Variants in EIF4EBP3 observed in about 807,000 individuals in gnomAD.
EIF4EBP3 encodes eukaryotic translation initiation factor 4E binding protein 3.
In EIF4EBP3, 11 loss-of-function variants were observed where a neutral mutation model predicts 12.1. The observed-to-expected ratio is 0.91, with a 90% CI of 0.57 to 1.51. The LOEUF (loss-of-function observed/expected upper bound fraction) is 1.51. EIF4EBP3 is among the 40% of genes most tolerant of loss of function. The pLI is 0.00. For missense variants in EIF4EBP3, 136 were observed against 131.8 expected, an observed-to-expected ratio of 1.03 and a Z score of -0.16; for synonymous variants, 43 against 54.2, an observed-to-expected ratio of 0.79 and a Z score of 0.91.
At chr5:140,549,125 C>A in intron 2 of EIF4EBP3, 49 bp downstream of exon 2, 2 of 1,613,848 alleles carry the variant, frequency 1.2e-6, no homozygotes, top group Non-Finnish European at 1.7e-6. Context: ...AGTTCAAATG[C>A]CACTGTGACA....
At position 140,547,710 on chromosome 5, in the gene EIF4EBP3, G is replaced by A; in HGVS notation, c.-28G>A. On this transcript the variant is annotated 5_prime_UTR_variant, in exon 1 of 3. Coordinates refer to ENST00000310331, the MANE Select transcript of EIF4EBP3 (RefSeq NM_003732.3). ...GCGCTCCTCGACCTCAACGCCAGGC[G>A]GTTACTTTGCTGCTCCTCCCGCTCG... The A allele has an allele frequency of 6.5e-7, 1 of 1,541,310 alleles. No homozygotes were observed. The highest frequency in any genetic ancestry group is 8.8e-7 in the Non-Finnish European group (1 of 1,140,098).
At position 140,549,388 on chromosome 5, in the gene EIF4EBP3, A is replaced by C; in HGVS notation, c.*126A>C. On this transcript the variant is annotated 3_prime_UTR_variant, in exon 3 of 3. Transcript: ENST00000310331. ...CTAATCTGGAAGGGAGTGACTTGTT[A>C]GTTCCAGGCCTCCTTTAGTTCTGAG... The C allele has an allele frequency of 2.0e-6, 3 of 1,525,810 alleles. No individual in the cohort carries two copies. The highest frequency in any genetic ancestry group is 2.7e-6 in the Non-Finnish European group (3 of 1,104,912). The allele number at this position is 1,525,810 out of a possible 1,614,324, so 94.5% of individuals were successfully genotyped here.
chr5:140,549,103 T>C (rs1351626575), intron 2 of EIF4EBP3, 27 bp downstream of exon 2: 2 of 1,613,956 alleles, frequency 1.2e-6, no homozygotes, highest in Non-Finnish European at 1.7e-6. Context: ...TTAAGAATTG[T>C]CCCAGCCTTT....
Position 140,548,923 on chromosome 5 carries a change from G to C in EIF4EBP3, c.121G>C (p.Asp41His). The C allele has an allele frequency of 6.2e-7, 1 of 1,613,682 alleles. No homozygotes were observed. The highest frequency in any genetic ancestry group is 8.5e-7 in the Non-Finnish European group (1 of 1,179,848). ...TTPGGTRIIY[D>H]RKFLLECKNS... is the part of the protein sequence containing the mutation. ...CTTGACAGGCACCAGGATCATCTAC[G>C]ACCGAAAGTTCCTGCTGGAGTGCAA... Residue 41 changes from aspartate (D) to histidine (H), a missense_variant, in exon 2 of 3, where the codon GAC (aspartate) becomes CAC (histidine). Asp to His is a moderately conservative substitution (Grantham distance 81). Coordinates refer to ENST00000310331, the MANE Select transcript of EIF4EBP3 (RefSeq NM_003732.3).
rs959839786 is a variant in EIF4EBP3 at position 140,549,304 on chromosome 5, C to T, written c.*42C>T. ...TGGCATGTGGAGTTACAGAGGGATCCCTCATGCCACTGCTGCCACCACCTC... is the reference window on the plus strand; with the variant it reads ...TGGCATGTGGAGTTACAGAGGGATCTCTCATGCCACTGCTGCCACCACCTC... On this transcript the variant is annotated 3_prime_UTR_variant, in exon 3 of 3. Transcript: ENST00000310331. 36 of 1,613,980 alleles carry T rather than the reference C, an allele frequency of 2.2e-5. No homozygotes were observed. Among genetic ancestry groups the T allele is most frequent in the Non-Finnish European group, 3.1e-5 (36 of 1,179,994 alleles).
Position 140,549,372 on chromosome 5 carries a change from A to G in EIF4EBP3, c.*110A>G, listed in dbSNP as rs1754474242. 1.3e-6 allele frequency: 2 copies of G among 1,582,038 alleles called. No homozygotes were observed. Among genetic ancestry groups the G allele is most frequent in the South Asian group, 2.2e-5 (2 of 90,178 alleles). On this transcript the variant is annotated 3_prime_UTR_variant, in exon 3 of 3. Transcript: ENST00000310331. The stretch of plus-strand genomic sequence containing the variant: ...GGCCAGCTGGCCTCATCTAATCTGG[A>G]AGGGAGTGACTTGTTAGTTCCAGGC...
chr5:140,548,558 C>T (rs1006422121), intron 1 of EIF4EBP3, among the ~76,000 whole-genome samples: 6 of 152,150 alleles, frequency 3.9e-5, no homozygotes, highest in African/African-American at 7.2e-5. Context: ...GAGACCAAAG[C>T]AGAGGTTTCA....
At position 140,547,853 on chromosome 5, in the gene EIF4EBP3, G is replaced by A; in HGVS notation, c.103+13G>A. On this transcript the variant is annotated intron_variant, in intron 1 of 2. Transcript: ENST00000310331. ...ACTACCCCCGGAGGTCAGCGGGCCG[G>A]GCAGGGGTCCGCAGGCTGCGGACAT... is the stretch of plus-strand genomic sequence containing the variant. 7.0e-7 allele frequency: 1 copy of A among 1,431,068 alleles called. No homozygotes were observed. Among genetic ancestry groups the A allele is most frequent in the South Asian group, 1.5e-5 (1 of 68,862 alleles). 88.6% of individuals were successfully genotyped at this position (1,431,068 alleles called of 1,614,324 possible). A position where few individuals can be genotyped will look rare whatever the true frequency, so the allele number is the denominator to read the frequency against.
chr5:140,549,141 C>T (rs1052176628), intron 2 of EIF4EBP3, 65 bp downstream of exon 2: 29 of 1,613,938 alleles, frequency 1.8e-5, no homozygotes, highest in Non-Finnish European at 2.3e-5. Flanking sequence ...TGACACAGTG[C>T]GGGGGTTCAG....
chr5:140,549,470 C>T lies in EIF4EBP3; in HGVS notation c.*208C>T, dbSNP rs2127113919. The T allele has an allele frequency of 1.5e-5, 11 of 726,444 alleles. 1 individual carries two copies. In the South Asian group the frequency reaches 1.9e-4, roughly 12 times the overall value. 45.0% of individuals were successfully genotyped at this position (726,444 alleles called of 1,614,324 possible). A position where few individuals can be genotyped will look rare whatever the true frequency, so the allele number is the denominator to read the frequency against. On this transcript the variant is annotated 3_prime_UTR_variant, in exon 3 of 3. Coordinates refer to ENST00000310331, the MANE Select transcript of EIF4EBP3 (RefSeq NM_003732.3). ...TGCCAAGCCCTTAACTCTACTTCCT[C>T]TTCAGTCTGTGGTACTCCTCCTAAC...
Position 140,549,254 on chromosome 5 carries a change from G to A in EIF4EBP3, c.295G>A (p.Asp99Asn), listed in dbSNP as rs780130826. 3 of 1,614,156 alleles carry A rather than the reference G, an allele frequency of 1.9e-6. No individual in the cohort carries two copies. In the East Asian group the frequency reaches 6.7e-5, roughly 36 times the overall value. The change falls in exon 3 of 3, where the codon GAC (aspartate) becomes AAC (asparagine). Residue 99 changes from aspartate (D) to asparagine (N), a missense_variant. Asp to Asn is a conservative substitution (Grantham distance 23). Coordinates refer to ENST00000310331, the MANE Select transcript of EIF4EBP3 (RefSeq NM_003732.3). ...TCCAGATGACGCACAATTTGAAATG[G>A]ACATCTAATCCAGTGCAGATGACCT... is the stretch of plus-strand genomic sequence containing the variant. ...EIPDDAQFEM[D>N]I
chr5:140,548,493 T>C (rs1370590182), intron 1 of EIF4EBP3, among the ~76,000 whole-genome samples: 1 of 152,182 alleles, frequency 6.6e-6, no homozygotes, highest in Non-Finnish European at 1.5e-5. Flanking sequence ...TCACAACTGC[T>C]ATTTCACTTC....
chr5:140,548,670 C>CGTA (rs756670745), intron 1 of EIF4EBP3, among the ~76,000 whole-genome samples: 1 of 152,194 alleles, frequency 6.6e-6, no homozygotes, highest in Non-Finnish European at 1.5e-5. Flanking sequence ...CTGCCTATAC[C>CGTA]AGCTGGGATG....
At chr5:140,548,516 A>G (rs1394197692) in intron 1 of EIF4EBP3, among the ~76,000 whole-genome samples, 1 of 152,150 alleles carries the variant, frequency 6.6e-6, no homozygotes, top group Non-Finnish European at 1.5e-5. Context: ...GAACCACCTG[A>G]GGCTGTTAGT....
At position 140,547,763 on chromosome 5, in the gene EIF4EBP3, T is replaced by C; in HGVS notation, c.26T>C (p.Ile9Thr). The C allele has an allele frequency of 6.5e-7, 1 of 1,544,550 alleles. No homozygotes were observed. The highest frequency in any genetic ancestry group is 8.7e-7 in the Non-Finnish European group (1 of 1,143,544). Residue 9 changes from isoleucine (I) to threonine (T), a missense_variant, in exon 1 of 3, where the codon ATT becomes ACT. Physicochemically the swap from Ile to Thr is moderately conservative, Grantham distance 89. Coordinates refer to ENST00000310331, the MANE Select transcript of EIF4EBP3 (RefSeq NM_003732.3). The stretch of plus-strand genomic sequence containing the variant: ...ATGTCAACGTCCACTAGCTGCCCGA[T>C]TCCCGGGGGCCGGGACCAGCTGCCC... Reference protein sequence around the residue: MSTSTSCPIPGGRDQLPDC... With the variant: MSTSTSCPTPGGRDQLPDC...
Position 140,547,772 on chromosome 5 carries a change from G to T in EIF4EBP3, c.35G>T (p.Gly12Val), listed in dbSNP as rs781551674. The change falls in exon 1 of 3, where the codon GGC becomes GTC. Residue 12 changes from glycine (G) to valine (V), a missense_variant. Physicochemically the swap from Gly to Val is moderately radical, Grantham distance 109. Transcript: ENST00000310331. ...TCCACTAGCTGCCCGATTCCCGGGG[G>T]CCGGGACCAGCTGCCCGACTGCTAC... ...STSTSCPIPG[G>V]RDQLPDCYST... 6.5e-7 allele frequency: 1 copy of T among 1,542,232 alleles called. No homozygotes were observed. Among genetic ancestry groups the T allele is most frequent in the South Asian group, 1.2e-5 (1 of 83,512 alleles).
rs1754478940 is a variant in EIF4EBP3 at position 140,549,488 on chromosome 5, C to CT, written c.*227dup. 1 of 650,390 alleles carries CT rather than the reference C, an allele frequency of 1.5e-6. No individual in the cohort carries two copies. Among genetic ancestry groups the CT allele is most frequent in the African/African-American group, 1.8e-5 (1 of 55,100 alleles). The allele number at this position is 650,390 out of a possible 1,614,324, so 40.3% of individuals were successfully genotyped here. A position where few individuals can be genotyped will look rare whatever the true frequency, so the allele number is the denominator to read the frequency against. ...ACTTCCTCTTCAGTCTGTGGTACTC[C>CT]TCCTAACCCTAAACCCTCTATGCTC... On this transcript the variant is annotated 3_prime_UTR_variant, in exon 3 of 3. Transcript: ENST00000310331.
rs751000366 is a variant in EIF4EBP3 at position 140,549,012 on chromosome 5, T to C, written c.210T>C (p.Pro70=). The change falls in exon 2 of 3, where the codon CCT becomes CCC. Residue 70 remains proline, a synonymous_variant. Coordinates refer to ENST00000310331, the MANE Select transcript of EIF4EBP3 (RefSeq NM_003732.3). ...CTCAGATTCCCGGGGTCACAACTCC[T>C]CCAACAGCCCCTCTCTCCAAGCTGG... ...CLPQIPGVTT[P]PTAPLSKLEE... The C allele has an allele frequency of 3.1e-6, 5 of 1,614,042 alleles. No individual in the cohort carries two copies. The East Asian group carries it at 8.9e-5, about 29-fold the overall frequency.
intron 1 of EIF4EBP3, 72 bp downstream of exon 1, chr5:140,547,912 A>T: frequency 7.3e-5 from 80 of 1,092,100 alleles, no homozygotes; most frequent in Non-Finnish European, 9.4e-5. Flanking sequence ...GGGCGGGGGT[A>T]GGGGAGGGAC....
Sources: allele counts gnomAD v4.1 joint callset (sites outside exome capture counted in the v4.1 genomes callset), GRCh38; gene constraint gnomAD v4.1.1; transcripts MANE v1.5; gene names NCBI Gene and HGNC (gene_info 2026-07-23, HGNC 2026-07-21).